RNF170: variants seen among roughly 807,000 people sequenced by gnomAD.
RNF170 encodes the protein E3 ubiquitin-protein ligase RNF170.
A neutral mutation model predicts 32.7 loss-of-function variants in RNF170; 12 were observed. The observed-to-expected ratio is 0.37, with a 90% CI of 0.24 to 0.60. RNF170 has a LOEUF of 0.60. Ranked by LOEUF, RNF170 falls within the 20% of genes least tolerant of loss-of-function variation. RNF170 has a pLI of 0.72. For missense variants in RNF170, 212 were observed against 311.2 expected, an observed-to-expected ratio of 0.68 and a Z score of 2.40; for synonymous variants, 91 against 103.6, an observed-to-expected ratio of 0.88 and a Z score of 0.74.
Position 42,856,084 on chromosome 8 carries a change from T to C in RNF170, c.*75A>G, listed in dbSNP as rs188307825. The C allele has an allele frequency of 1.4e-5, 22 of 1,604,638 alleles. No individual in the cohort carries two copies. The Admixed American group carries it at 3.3e-4, about 24-fold the overall frequency. On this transcript the variant is annotated 3_prime_UTR_variant, in exon 7 of 7. Transcript: ENST00000527424. ...AATACTCCATTGCTTCATTGCTTTATACTGCCATGGGTCCTTCTGTTTGAT... is the reference window on the plus strand; with the variant it reads ...AATACTCCATTGCTTCATTGCTTTACACTGCCATGGGTCCTTCTGTTTGAT...
intron 1 of RNF170, 38 bp from the exon 2 acceptor site, chr8:42,887,909 C>T (rs766401850): frequency 6.3e-6 from 10 of 1,581,356 alleles, no homozygotes; most frequent in Non-Finnish European, 8.7e-6. Context: ...TTACAAATGA[C>T]ACAGTGAAAA....
chr8:42,875,078 G>A (rs1237896126), intron 2 of RNF170, among the ~76,000 whole-genome samples: 1 of 151,418 alleles, frequency 6.6e-6, no homozygotes, highest in African/African-American at 2.4e-5. Context: ...GGCTGAGGCA[G>A]AAGAATCGCT....
Position 42,855,576 on chromosome 8 carries a change from G to A in RNF170, c.*583C>T. 7.8e-7 allele frequency: 1 copy of A among 1,275,084 alleles called. No homozygotes were observed. Among genetic ancestry groups the A allele is most frequent in the Non-Finnish European group, 1.0e-6 (1 of 977,508 alleles). The allele number at this position is 1,275,084 out of a possible 1,614,324, so 79.0% of individuals were successfully genotyped here. A position where few individuals can be genotyped will look rare whatever the true frequency, so the allele number is the denominator to read the frequency against. ...CTGTAAACTAGAATATGATATCGAAGTATGAAGTTCAAGTTTCTTCTTTCA... is the reference window on the plus strand; with the variant it reads ...CTGTAAACTAGAATATGATATCGAAATATGAAGTTCAAGTTTCTTCTTTCA... On this transcript the variant is annotated 3_prime_UTR_variant, in exon 7 of 7. Coordinates refer to ENST00000527424, the MANE Select transcript of RNF170 (RefSeq NM_030954.4).
At chr8:42,897,278 G>T, upstream of RNF170, 1 of 910,358 alleles carries the variant, frequency 1.1e-6, no homozygotes, top group Non-Finnish European at 1.4e-6. Flanking sequence ...CGAGCGCTGC[G>T]GGCGACGGTG....
At chr8:42,852,465 T>C (rs2128920586), downstream of RNF170, among the ~76,000 whole-genome samples, 1 of 152,276 alleles carries the variant, frequency 6.6e-6, no homozygotes, top group Middle Eastern at 3.4e-3. Flanking sequence ...TCACCCAGGC[T>C]GGAGTGCAAT....
In RNF170 at chr8:42,858,009, T is replaced by C. The variant is rs79943388; in HGVS notation, c.508-1581A>G. Among the ~76,000 whole-genome samples, 49 of 152,332 alleles carry C rather than the reference T, an allele frequency of 3.2e-4. No individual in the cohort carries two copies. In the East Asian group the frequency reaches 8.7e-3, roughly 27 times the overall value. On this transcript the variant is annotated intron_variant, in intron 6 of 6. Transcript: ENST00000527424. ...GAGATCGCGCCATTGCATTCTGGCC[T>C]GGGCGACAGAGCGAGACTCTGTCTC...
At chr8:42,892,536 T>C (rs1309446460) in intron 1 of RNF170, among the ~76,000 whole-genome samples, 1 of 152,182 alleles carries the variant, frequency 6.6e-6, no homozygotes, top group Non-Finnish European at 1.5e-5. Context: ...TTAGAATATG[T>C]AGATACTGTG....
At chr8:42,874,187 T>C (rs1243084651) in intron 2 of RNF170, among the ~76,000 whole-genome samples, 181 bp from the exon 3 acceptor site, 2 of 152,234 alleles carry the variant, frequency 1.3e-5, no homozygotes, top group African/African-American at 2.4e-5. Context: ...CTGAGATCAC[T>C]GATCATTAGC....
downstream of RNF170, among the ~76,000 whole-genome samples, chr8:42,851,595 G>A (rs1374354561): frequency 1.3e-5 from 2 of 151,038 alleles, no homozygotes; most frequent in Non-Finnish European, 3.0e-5. Flanking sequence ...GAAAAAGAAA[G>A]AACAAGAGAA....
At chr8:42,891,975 C>T (rs959909511) in intron 1 of RNF170, among the ~76,000 whole-genome samples, 1 of 152,122 alleles carries the variant, frequency 6.6e-6, no homozygotes, top group Non-Finnish European at 1.5e-5. Context: ...TACTTGCTTC[C>T]TCTCTCGATA....
intron 6 of RNF170, 124 bp from the exon 7 acceptor site, chr8:42,856,552 CAT>C (rs1803258417): frequency 5.8e-6 from 4 of 690,754 alleles, no homozygotes; most frequent in South Asian, 2.0e-5. Context: ...ATTAATTGAA[CAT>C]ATTTTCTAAT....
At chr8:42,875,802 G>A (rs897144631) in intron 2 of RNF170, among the ~76,000 whole-genome samples, 23 of 152,248 alleles carry the variant, frequency 1.5e-4, no homozygotes, top group African/African-American at 5.3e-4. Context: ...GTCTCGATCC[G>A]GACCTCAGGT....
intron 2 of RNF170, among the ~76,000 whole-genome samples, chr8:42,886,647 G>A (rs1285434974): frequency 2.0e-5 from 3 of 151,974 alleles, no homozygotes; most frequent in African/African-American, 7.3e-5. Flanking sequence ...GGCTAGTCTC[G>A]AACTCCTGAC....
rs1390454455 is a variant in RNF170 at position 42,855,310 on chromosome 8, T to G, written c.*849A>C. The G allele has an allele frequency of 9.8e-7, 1 of 1,017,172 alleles. No homozygotes were observed. Among genetic ancestry groups the G allele is most frequent in the Non-Finnish European group, 1.3e-6 (1 of 752,836 alleles). 63.0% of individuals were successfully genotyped at this position (1,017,172 alleles called of 1,614,324 possible). The stretch of plus-strand genomic sequence containing the variant: ...AGTGGCGCAATCCACCTCCTGGGTT[T>G]ACGCCATTCTTCTGCCTCAGCCTCC... On this transcript the variant is annotated 3_prime_UTR_variant, in exon 7 of 7. Transcript: ENST00000527424.
At chr8:42,851,546 CAG>C (rs1802941430), downstream of RNF170, among the ~76,000 whole-genome samples, 1 of 140,794 alleles carries the variant, frequency 7.1e-6, no homozygotes, top group Non-Finnish European at 1.5e-5. Context: ...GCCTGGGTGA[CAG>C]AGTGAGACTC....
chr8:42,854,295 C>T lies in RNF170; in HGVS notation c.*1864G>A, dbSNP rs779180795. On this transcript the variant is annotated 3_prime_UTR_variant, in exon 7 of 7. Transcript: ENST00000527424. The stretch of plus-strand genomic sequence containing the variant: ...TTGCTGTTCCTCTTAACAACTTTCA[C>T]GTCTATCTAAACATTCTATGCAGGA... The T allele has an allele frequency of 1.1e-5, 14 of 1,287,210 alleles. No individual in the cohort carries two copies. Among genetic ancestry groups the T allele is most frequent in the East Asian group, 1.1e-4 (2 of 18,028 alleles). The allele number at this position is 1,287,210 out of a possible 1,614,324, so 79.7% of individuals were successfully genotyped here.
At chr8:42,864,799 A>AC (rs1288410044) in intron 5 of RNF170, among the ~76,000 whole-genome samples, 1 of 4,016 alleles carries the variant, frequency 2.5e-4, no homozygotes, top group African/African-American at 1.0e-3. Flanking sequence ...GAAGGAAAAA[A>AC]ATTTTTTTTC....
At chr8:42,852,605 C>T (rs1361650729), downstream of RNF170, among the ~76,000 whole-genome samples, 7 of 151,752 alleles carry the variant, frequency 4.6e-5, no homozygotes, top group African/African-American at 1.2e-4. Flanking sequence ...TTAGTAGAGA[C>T]GGGGTTTCAC....
chr8:42,882,514 C>T (rs1214983049), intron 2 of RNF170, among the ~76,000 whole-genome samples: 2 of 152,066 alleles, frequency 1.3e-5, no homozygotes, highest in Non-Finnish European at 2.9e-5. Context: ...GAGCACCATA[C>T]CCAATGAAAT....
Sources: gnomAD v4.1 joint callset for allele counts (sites outside exome capture counted in the v4.1 genomes callset) on GRCh38, gnomAD v4.1.1 for gene constraint, MANE v1.5 for transcripts, NCBI Gene and HGNC (gene_info 2026-07-23, HGNC 2026-07-21) for gene names.